The following CAP2 variants were observed in gnomAD, a reference collection of about 807,000 sequenced individuals.
CAP2 encodes adenylyl cyclase-associated protein 2.
In CAP2, 24 loss-of-function variants were observed where a neutral mutation model predicts 57.7. The ratio of observed to expected loss-of-function variants is 0.42; its 90% CI spans 0.30 to 0.58. The LOEUF (loss-of-function observed/expected upper bound fraction) is 0.58. CAP2 is among the 20% of genes least tolerant of loss of function. CAP2 has a pLI of 0.22. For missense variants in CAP2, 501 were observed against 590.3 expected (o/e 0.85, Z 1.57); for synonymous variants, 194 against 207.2 (o/e 0.94, Z 0.55).
chr6:17,503,396 G>A (rs953960009), intron 4 of CAP2, among the ~76,000 whole-genome samples: 1 of 152,064 alleles, frequency 6.6e-6, no homozygotes, highest in African/African-American at 2.4e-5. Context: ...ATCACAGGTT[G>A]AGACCAGCCT....
chr6:17,452,126 C>T (rs1448916156), intron 3 of CAP2, among the ~76,000 whole-genome samples: 2 of 152,132 alleles, frequency 1.3e-5, no homozygotes, highest in Admixed American at 6.5e-5. Flanking sequence ...GCAAGTGGCA[C>T]CTGCCAAGCC....
intron 3 of CAP2, among the ~76,000 whole-genome samples, chr6:17,429,868 T>A (rs112913284): frequency 1.1e-4 from 16 of 152,350 alleles, no homozygotes; most frequent in African/African-American, 3.6e-4. Context: ...TTATTTTTTC[T>A]CTCGCTTACA....
chr6:17,536,634 C>T (rs1244760960), intron 7 of CAP2, among the ~76,000 whole-genome samples: 1 of 152,166 alleles, frequency 6.6e-6, no homozygotes. Flanking sequence ...GAGAGAGTCT[C>T]TGAATTCTGA....
At chr6:17,533,578 T>A (rs894899639) in intron 7 of CAP2, among the ~76,000 whole-genome samples, 1 of 151,746 alleles carries the variant, frequency 6.6e-6, no homozygotes, top group African/African-American at 2.4e-5. Flanking sequence ...CTTTCTTTTT[T>A]TTTTTTTTTG....
At chr6:17,554,662 G>C (rs1403204285) in intron 12 of CAP2, among the ~76,000 whole-genome samples, 1 of 152,230 alleles carries the variant, frequency 6.6e-6, no homozygotes. Context: ...AAACACCACA[G>C]CTCATGATCA....
chr6:17,409,585 C>G (rs1293171097), intron 1 of CAP2, among the ~76,000 whole-genome samples: 1 of 152,114 alleles, frequency 6.6e-6, no homozygotes, highest in Non-Finnish European at 1.5e-5. Context: ...TCTCCTTTCA[C>G]CTTCCCAAGA....
At chr6:17,491,593 G>T (rs762752055) in intron 4 of CAP2, among the ~76,000 whole-genome samples, 2 of 152,194 alleles carry the variant, frequency 1.3e-5, no homozygotes, top group African/African-American at 2.4e-5. Context: ...AGACTAGTGT[G>T]AACGATACGG....
intron 3 of CAP2, among the ~76,000 whole-genome samples, chr6:17,447,647 C>T (rs570576700): frequency 1.3e-5 from 2 of 152,260 alleles, no homozygotes; most frequent in East Asian, 1.9e-4. Context: ...TACAGGCACT[C>T]GCCATCATGC....
In CAP2 at chr6:17,503,625, A is replaced by C. The variant is rs867631154; in HGVS notation, c.301-3544A>C. Among the ~76,000 whole-genome samples, 30 of 150,074 alleles carry C rather than the reference A, an allele frequency of 2.0e-4. 1 individual carries two copies. Among genetic ancestry groups the C allele is most frequent in the African/African-American group, 6.6e-4 (27 of 40,748 alleles). ...ATCTCAAAAAAAAAAAAAAAAAAAA[A>C]GACACCAGTCATATTGGATTGAAGC... On this transcript the variant is annotated intron_variant, in intron 4 of 12. Coordinates refer to ENST00000229922, the MANE Select transcript of CAP2 (RefSeq NM_006366.3).
intron 4 of CAP2, among the ~76,000 whole-genome samples, chr6:17,492,411 A>G (rs537119758): frequency 6.6e-6 from 1 of 152,226 alleles, no homozygotes; most frequent in Non-Finnish European, 1.5e-5. Context: ...TCTAGCAGGA[A>G]CATGGAACTG....
intron 4 of CAP2, among the ~76,000 whole-genome samples, chr6:17,501,492 A>G (rs1289084224): frequency 6.6e-6 from 1 of 152,236 alleles, no homozygotes; most frequent in Non-Finnish European, 1.5e-5. Context: ...AAGAAGTAAC[A>G]ATGACTGAAC....
chr6:17,539,117 A>G, intron 7 of CAP2, 152 bp from the exon 8 acceptor site: 2 of 664,544 alleles, frequency 3.0e-6, no homozygotes, highest in Admixed American at 2.6e-5. Context: ...CCTCCCAAAC[A>G]GACCCATGAT....
chr6:17,437,891 G>T (rs1489038587), intron 3 of CAP2, among the ~76,000 whole-genome samples: 2 of 151,996 alleles, frequency 1.3e-5, no homozygotes, highest in Non-Finnish European at 2.9e-5. Context: ...AAAGAAAAAA[G>T]GGTCACATAT....
At chr6:17,421,825 C>T (rs1759455712) in intron 2 of CAP2, 149 bp downstream of exon 2, 2 of 878,678 alleles carry the variant, frequency 2.3e-6, no homozygotes, top group Non-Finnish European at 1.8e-6. Flanking sequence ...CAGAGGCAAG[C>T]AATCCCTGAA....
chr6:17,554,636 C>T (rs181570854), intron 12 of CAP2, among the ~76,000 whole-genome samples: 1 of 152,346 alleles, frequency 6.6e-6, no homozygotes, highest in East Asian at 1.9e-4. Context: ...GATAGGTACC[C>T]ATGTGTGTTC....
intron 7 of CAP2, chr6:17,531,269 C>T (rs1186545490): frequency 2.4e-6 from 2 of 839,226 alleles, no homozygotes; most frequent in Non-Finnish European, 4.1e-6. Flanking sequence ...CCTTGTTGAG[C>T]TTCACAAAGG....
intron 7 of CAP2, among the ~76,000 whole-genome samples, chr6:17,538,553 G>A (rs1762827208): frequency 6.6e-6 from 1 of 152,156 alleles, no homozygotes; most frequent in African/African-American, 2.4e-5. Flanking sequence ...GAAAACAAAG[G>A]TTGTGCTTTA....
chr6:17,451,623 C>T (rs1199026713), intron 3 of CAP2, among the ~76,000 whole-genome samples: 1 of 152,044 alleles, frequency 6.6e-6, no homozygotes, highest in Non-Finnish European at 1.5e-5. Context: ...GATTCTCCTG[C>T]CTCAGCCTCT....
intron 1 of CAP2, among the ~76,000 whole-genome samples, chr6:17,408,399 A>G (rs949402332): frequency 1.3e-5 from 2 of 152,132 alleles, no homozygotes; most frequent in Non-Finnish European, 2.9e-5. Context: ...TAGAGCAAGA[A>G]TTCACTCTTG....
Sources: allele counts gnomAD v4.1 joint callset (sites outside exome capture counted in the v4.1 genomes callset), GRCh38; gene constraint gnomAD v4.1.1; transcripts MANE v1.5; gene names NCBI Gene and HGNC (gene_info 2026-07-23, HGNC 2026-07-21).